NPY: variants seen among roughly 807,000 people sequenced by gnomAD.
NPY encodes pro-neuropeptide Y.
Under a neutral mutation model 13.2 loss-of-function variants are expected in NPY, and 11 were observed. The ratio of observed to expected loss-of-function variants is 0.83; its 90% confidence interval spans 0.52 to 1.38. NPY has a LOEUF of 1.38. Among genes scored for constraint, NPY ranks in the 40% most tolerant of loss-of-function variants. The probability of loss-of-function intolerance (pLI) is 0.00; values close to 1 mark genes in which losing one functional copy is unlikely to be tolerated. For synonymous variants in NPY, 51 were observed against 55.6 expected (o/e 0.92, Z 0.37); for missense variants, 109 against 125.1 (o/e 0.87, Z 0.61).
In NPY at chr7:24,285,233, G is replaced by A. The variant is rs1787316811; in HGVS notation, c.1-8G>A. 6.2e-7 allele frequency: 1 copy of A among 1,613,896 alleles called. No homozygotes were observed. Among genetic ancestry groups the A allele is most frequent in the Admixed American group, 1.7e-5 (1 of 60,010 alleles). On this transcript the variant is annotated splice_region_variant and splice_polypyrimidine_tract_variant and intron_variant, in intron 1 of 3. Transcript: ENST00000242152. The surrounding 1 kb of genome is among the most constrained non-coding windows in gnomAD (Gnocchi z 4.9). ...CAAGCCCGTCCGTTGAGCCTTCTGT[G>A]CCTGCAGATGCTAGGTAACAAGCGA...
Position 24,285,045 on chromosome 7 carries a change from G to T in NPY, c.1-196G>T. The T allele has an allele frequency of 3.3e-6, 2 of 612,088 alleles. No homozygotes were observed. Among genetic ancestry groups the T allele is most frequent in the Admixed American group, 5.7e-5 (2 of 34,912 alleles). 37.9% of individuals were successfully genotyped at this position (612,088 alleles called of 1,614,324 possible). ...GTTTTCAGGTGGAGCAGAGGGGCAG[G>T]TCCCGACCGGACGGCGCCCGGAGCC... On this transcript the variant is annotated intron_variant, in intron 1 of 3. Coordinates refer to ENST00000242152, the MANE Select transcript of NPY (RefSeq NM_000905.4). The surrounding 1 kb of genome is among the most constrained non-coding windows in gnomAD (Gnocchi z 4.9).
At position 24,285,165 on chromosome 7, in the gene NPY, G is replaced by C; in HGVS notation, c.1-76G>C. The C allele has an allele frequency of 6.8e-7, 1 of 1,471,980 alleles. No individual in the cohort carries two copies. The highest frequency in any genetic ancestry group is 9.5e-7 in the Non-Finnish European group (1 of 1,057,624). The allele number at this position is 1,471,980 out of a possible 1,614,324, so 91.2% of individuals were successfully genotyped here. ...TGTGGTAGCAGGAGGAGGAGCGCGG[G>C]GGGCAGAGGAGGGAGGTGCTGCGCG... On this transcript the variant is annotated intron_variant, in intron 1 of 3. Coordinates refer to ENST00000242152, the MANE Select transcript of NPY (RefSeq NM_000905.4). The surrounding 1 kb of genome is among the most constrained non-coding windows in gnomAD (Gnocchi z 4.9).
intron 2 of NPY, among the ~76,000 whole-genome samples, chr7:24,287,925 G>C (rs1562801680): frequency 6.6e-6 from 1 of 152,094 alleles, no homozygotes; most frequent in African/African-American, 2.4e-5. Flanking sequence ...TTTAGAGTGT[G>C]TTTTTAACAC....
intron 2 of NPY, among the ~76,000 whole-genome samples, chr7:24,286,677 G>T (rs1448972586): frequency 6.6e-6 from 1 of 152,100 alleles, no homozygotes; most frequent in Admixed American, 6.5e-5. Context: ...ACATGAAAAT[G>T]CCAGAATTAA....
rs371687880 is a variant in NPY, at chr7:24,285,298, G to A, written c.58G>A (p.Val20Met). Reference protein sequence around the residue: ...SGLTLALSLLVCLGALAEAYP... With the variant: ...SGLTLALSLLMCLGALAEAYP... ...ACTGACCCTCGCCCTGTCCCTGCTC[G>A]TGTGCCTGGGTGCGCTGGCCGAGGC... The change falls in exon 2 of 4, where the codon GTG becomes ATG. Residue 20 changes from valine to methionine, a missense_variant. Val to Met is a conservative substitution (Grantham distance 21). Transcript: ENST00000242152. This position sits in a 1 kb window ranked among gnomAD's most constrained non-coding sequence, Gnocchi z 4.9. 2 of 1,614,074 alleles carry A rather than the reference G, an allele frequency of 1.2e-6. No homozygotes were observed. The highest frequency in any genetic ancestry group is 2.2e-5 in the East Asian group (1 of 44,868).
At chr7:24,288,341 TG>T (rs1305817236) in intron 2 of NPY, among the ~76,000 whole-genome samples, 1 of 152,220 alleles carries the variant, frequency 6.6e-6, no homozygotes, top group African/African-American at 2.4e-5. Flanking sequence ...GGAGTTGTTT[TG>T]TTTTTGCTTC....
intron 1 of NPY, chr7:24,284,862 CTT>C (rs1412184055): frequency 6.4e-6 from 2 of 314,308 alleles, no homozygotes; most frequent in Non-Finnish European, 1.2e-5. Flanking sequence ...AGAGAAGAAA[CTT>C]TTCTTCCCAG....
chr7:24,291,686 G>A lies in NPY; in HGVS notation c.293G>A (p.Ter98=), dbSNP rs377578689. Residue 98 remains the stop codon, a stop_retained_variant, in exon 4 of 4, where the codon TGA becomes TAA. Transcript: ENST00000242152. ...AGGCTTGAAGACCCTGCAATGTGGT[G>A]ATGGGAAATGAGACTTGCTCTCTGG... The part of the protein sequence containing the change: ...RTRLEDPAMW[*] 4.0e-4 allele frequency: 639 copies of A among 1,614,142 alleles called. 6 individuals are homozygous for A. The South Asian group carries it at 5.3e-3, about 13-fold the overall frequency.
intron 3 of NPY, 53 bp downstream of exon 3, chr7:24,289,632 G>A: frequency 6.9e-7 from 1 of 1,455,304 alleles, no homozygotes; most frequent in Non-Finnish European, 9.5e-7. Context: ...GGTGCCCAGG[G>A]GAGGGAAGTC....
At chr7:24,290,175 T>A (rs1787549129) in intron 3 of NPY, among the ~76,000 whole-genome samples, 1 of 152,208 alleles carries the variant, frequency 6.6e-6, no homozygotes, top group African/African-American at 2.4e-5. Context: ...GTCTCAGGAC[T>A]TTCTTGCAGT....
rs559172703 is a variant in NPY, at chr7:24,285,089, A to T, written c.1-152A>T. On this transcript the variant is annotated intron_variant, in intron 1 of 3. Transcript: ENST00000242152. This position sits in a 1 kb window ranked among gnomAD's most constrained non-coding sequence, Gnocchi z 4.9. ...CGGAGCCCGCAAGGTGGTGCTAGCCACTCCTGGGTTCTCTCTGCGGGACTG... is the reference window on the plus strand; with the variant it reads ...CGGAGCCCGCAAGGTGGTGCTAGCCTCTCCTGGGTTCTCTCTGCGGGACTG... The T allele has an allele frequency of 1.5e-5, 12 of 787,922 alleles. No individual in the cohort carries two copies. In the East Asian group the frequency reaches 2.8e-4, roughly 18 times the overall value. 48.8% of individuals were successfully genotyped at this position (787,922 alleles called of 1,614,324 possible). A position where few individuals can be genotyped will look rare whatever the true frequency, so the allele number is the denominator to read the frequency against.
At chr7:24,287,361 G>A (rs888588087) in intron 2 of NPY, among the ~76,000 whole-genome samples, 2 of 152,084 alleles carry the variant, frequency 1.3e-5, no homozygotes, top group Non-Finnish European at 2.9e-5. Context: ...ACTCCTATGT[G>A]CGTTTCTGAA....
chr7:24,291,738 CATCG>C lies in NPY; in HGVS notation c.*52_*55del. The C allele has an allele frequency of 1.2e-6, 2 of 1,609,978 alleles. No individual in the cohort carries two copies. The highest frequency in any genetic ancestry group is 2.2e-5 in the South Asian group (2 of 90,866). ...CTTTTCCTATTTTCAGCCCATATTT[CATCG>C]TGTAAAACGAGAATCCACCCATCCT... On this transcript the variant is annotated 3_prime_UTR_variant, in exon 4 of 4. Coordinates refer to ENST00000242152, the MANE Select transcript of NPY (RefSeq NM_000905.4).
chr7:24,286,190 G>A (rs185490962), intron 2 of NPY, among the ~76,000 whole-genome samples: 1 of 152,168 alleles, frequency 6.6e-6, no homozygotes, highest in Non-Finnish European at 1.5e-5. Flanking sequence ...TGGAATCTGA[G>A]AAATTGTAAA....
intron 2 of NPY, among the ~76,000 whole-genome samples, chr7:24,287,517 G>A (rs557075502): frequency 6.0e-5 from 8 of 134,226 alleles, no homozygotes; most frequent in African/African-American, 8.7e-5. Context: ...ATATACCCCT[G>A]GCTCATTGCT....
In NPY at chr7:24,288,330, G is replaced by A. The variant is rs3025116; in HGVS notation, c.189-1169G>A. Among the ~76,000 whole-genome samples the A allele has an allele frequency of 9.7e-3, 1,479 of 152,312 alleles. 22 individuals are homozygous for A. The highest frequency in any genetic ancestry group is 0.033 in the African/African-American group (1,383 of 41,560). On this transcript the variant is annotated intron_variant, in intron 2 of 3. Transcript: ENST00000242152. ...TCTCACACATGATGGGAGTGGGACAGGGAGTTGTTTTGTTTTTGCTTCCCT... is the reference window on the plus strand; with the variant it reads ...TCTCACACATGATGGGAGTGGGACAAGGAGTTGTTTTGTTTTTGCTTCCCT...
chr7:24,286,833 A>C (rs1787403702), intron 2 of NPY, among the ~76,000 whole-genome samples: 1 of 152,250 alleles, frequency 6.6e-6, no homozygotes, highest in Admixed American at 6.5e-5. Context: ...GAACTTGTAC[A>C]AACAAAAAGA....
At chr7:24,291,575 T>G in intron 3 of NPY, 88 bp from the exon 4 acceptor site, 1 of 1,471,850 alleles carries the variant, frequency 6.8e-7, no homozygotes, top group South Asian at 1.2e-5. Context: ...CGGTCATCTT[T>G]CACTTCAGAT....
intron 3 of NPY, among the ~76,000 whole-genome samples, chr7:24,290,655 G>A (rs1196108165): frequency 2.6e-5 from 4 of 151,786 alleles, no homozygotes; most frequent in South Asian, 2.1e-4. Flanking sequence ...TTTGAACTGA[G>A]ATAAAACTCC....
Sources: gnomAD v4.1 joint callset for allele counts (sites outside exome capture counted in the v4.1 genomes callset) on GRCh38, gnomAD v4.1.1 for gene constraint, Gnocchi (gnomAD v3.1) non-coding constraint, MANE v1.5 for transcripts, NCBI Gene and HGNC (gene_info 2026-07-23, HGNC 2026-07-21) for gene names.